Variants in GDAP1 observed in about 807,000 individuals in gnomAD.
GDAP1 encodes ganglioside-induced differentiation-associated protein 1.
Under a neutral mutation model 40.1 loss-of-function variants are expected in GDAP1, and 34 were observed. The observed-to-expected ratio is 0.85, with a 90% CI of 0.64 to 1.13. GDAP1 has a LOEUF of 1.13. Ranked by LOEUF, GDAP1 falls within the 50% of genes most tolerant of loss-of-function variation. GDAP1 has a pLI of 0.00. For missense variants in GDAP1, 374 were observed against 433.7 expected (o/e 0.86, Z 1.22); for synonymous variants, 170 against 157.4 (o/e 1.08, Z -0.60).
chr8:74,390,272 T>C (rs1417433485), intron 2 of GDAP1, among the ~76,000 whole-genome samples: 1 of 152,220 alleles, frequency 6.6e-6, no homozygotes, highest in Non-Finnish European at 1.5e-5. Flanking sequence ...TTCTGGTTTT[T>C]GGAATTTTTA....
intron 2 of GDAP1, among the ~76,000 whole-genome samples, chr8:74,394,669 T>C (rs1810166610): frequency 2.0e-5 from 3 of 152,164 alleles, no homozygotes; most frequent in African/African-American, 4.8e-5. Flanking sequence ...TATGTCAATA[T>C]TGACCAGAGG....
rs749000336 is a variant in GDAP1, at chr8:74,350,440, A to T, written c.-22A>T. The T allele has an allele frequency of 3.4e-6, 5 of 1,453,992 alleles. No homozygotes were observed. The highest frequency in any genetic ancestry group is 4.8e-6 in the Non-Finnish European group (5 of 1,036,900). The allele number at this position is 1,453,992 out of a possible 1,614,324, so 90.1% of individuals were successfully genotyped here. ...AGTCCAGGGCGGACAGGCTGGGCGC[A>T]CCCGTGCTCGCGCACCCCAAGATGG... On this transcript the variant is annotated 5_prime_UTR_variant, in exon 1 of 6. Transcript: ENST00000220822.
At chr8:74,473,418 TAC>T (rs1467951887) in intron 2 of GDAP1, among the ~76,000 whole-genome samples, 5 of 152,246 alleles carry the variant, frequency 3.3e-5, no homozygotes, top group Admixed American at 2.0e-4. Flanking sequence ...CCAGGATTTT[TAC>T]AGTTTTGGGA....
chr8:74,383,415 C>T (rs539556019), intron 2 of GDAP1, among the ~76,000 whole-genome samples: 16 of 152,300 alleles, frequency 1.1e-4, no homozygotes, highest in African/African-American at 3.8e-4. Context: ...TAGTTAAAAG[C>T]TCATCTCTAG....
chr8:74,368,074 CTT>C (rs1809690279), downstream of GDAP1, among the ~76,000 whole-genome samples: 1 of 152,182 alleles, frequency 6.6e-6, no homozygotes, highest in Admixed American at 6.5e-5. Context: ...TGTCTTCAGT[CTT>C]TTACTTTATT....
intron 2 of GDAP1, among the ~76,000 whole-genome samples, chr8:74,383,836 C>G (rs1306329980): frequency 6.6e-6 from 1 of 152,048 alleles, no homozygotes; most frequent in Non-Finnish European, 1.5e-5. Flanking sequence ...CTATGAAATG[C>G]CAGAAAGGAA....
At chr8:74,378,428 G>T (rs904855417) in intron 2 of GDAP1, among the ~76,000 whole-genome samples, 2 of 152,194 alleles carry the variant, frequency 1.3e-5, no homozygotes, top group African/African-American at 4.8e-5. Context: ...GAGGTGGATT[G>T]AGAAAATATT....
chr8:74,397,519 G>T (rs1020298897), intron 2 of GDAP1, among the ~76,000 whole-genome samples: 4 of 152,100 alleles, frequency 2.6e-5, no homozygotes, highest in African/African-American at 9.7e-5. Context: ...AATCCATCTT[G>T]AATTAATTTT....
chr8:74,447,189 A>T (rs981087449), intron 2 of GDAP1, among the ~76,000 whole-genome samples: 1 of 152,128 alleles, frequency 6.6e-6, no homozygotes, highest in African/African-American at 2.4e-5. Flanking sequence ...AATGAAACAC[A>T]CCAAAATTCT....
intron 2 of GDAP1, among the ~76,000 whole-genome samples, chr8:74,416,438 A>T (rs571669868): frequency 4.7e-4 from 70 of 150,174 alleles, no homozygotes; most frequent in Admixed American, 5.2e-4. Flanking sequence ...CAGGAAAGAG[A>T]AAACTTTCGC....
chr8:74,444,886 A>G (rs1806208849), intron 2 of GDAP1, among the ~76,000 whole-genome samples: 1 of 152,206 alleles, frequency 6.6e-6, no homozygotes, highest in African/African-American at 2.4e-5. Context: ...TTAAAACAGC[A>G]TCTATTATGC....
chr8:74,366,487 A>G lies in GDAP1; in HGVS notation c.*2120A>G, dbSNP rs1239831836. ...TTGAAAGGGATTACAGTATCACACA[A>G]TGTCAAGCTAGAGTTAAACACAGTA... On this transcript the variant is annotated 3_prime_UTR_variant, in exon 6 of 6. Transcript: ENST00000220822. 2.2e-6 allele frequency: 1 copy of G among 454,490 alleles called. No homozygotes were observed. The highest frequency in any genetic ancestry group is 4.4e-6 in the Non-Finnish European group (1 of 226,740). 28.2% of individuals were successfully genotyped at this position (454,490 alleles called of 1,614,324 possible).
chr8:74,451,751 AT>A lies in GDAP1; in HGVS notation c.166-36916del, dbSNP rs1424783134. ...TTCTTTCAGTAATGGAAAAAGATAG[AT>A]TTTTTTTTTTCTTCTGGCCTCCATT... On this transcript the variant is annotated intron_variant, in intron 2 of 2. Transcript: ENST00000523640. 2.4e-3 allele frequency among the ~76,000 whole-genome samples: 179 copies of A among 75,234 alleles called. 57 individuals carry two copies. The highest frequency in any genetic ancestry group is 9.1e-3 in the Middle Eastern group (1 of 110). 49.4% of individuals were successfully genotyped at this position (75,234 alleles called of 152,430 possible). A position where few individuals can be genotyped will look rare whatever the true frequency, so the allele number is the denominator to read the frequency against.
chr8:74,405,912 C>T (rs962358891), intron 2 of GDAP1, among the ~76,000 whole-genome samples: 1 of 149,658 alleles, frequency 6.7e-6, no homozygotes, highest in South Asian at 2.1e-4. Flanking sequence ...TGTTGGGGTA[C>T]GGAATGGTGT....
chr8:74,443,664 T>C (rs564679938), intron 2 of GDAP1, among the ~76,000 whole-genome samples: 22 of 152,206 alleles, frequency 1.4e-4, no homozygotes, highest in African/African-American at 4.6e-4. Flanking sequence ...ACTTCTAAGA[T>C]TGATGGTCAT....
intron 2 of GDAP1, among the ~76,000 whole-genome samples, chr8:74,415,943 G>T (rs1271198410): frequency 6.7e-6 from 1 of 149,778 alleles, no homozygotes; most frequent in East Asian, 1.9e-4. Flanking sequence ...ATCCCCCTTT[G>T]CCAGAACCAA....
intron 2 of GDAP1, among the ~76,000 whole-genome samples, chr8:74,477,980 G>A (rs1806652800): frequency 6.6e-6 from 1 of 152,182 alleles, no homozygotes; most frequent in Admixed American, 6.5e-5. Flanking sequence ...ACTAGTGGGA[G>A]CAGGACAGTG....
chr8:74,388,289 C>A lies in GDAP1; in HGVS notation c.165+36968C>A, dbSNP rs143561837. Among the ~76,000 whole-genome samples, 743 of 152,220 alleles carry A rather than the reference C, an allele frequency of 4.9e-3. 6 individuals are homozygous for A. Among genetic ancestry groups the A allele is most frequent in the Admixed American group, 9.4e-3 (144 of 15,280 alleles). On this transcript the variant is annotated intron_variant, in intron 2 of 2. Coordinates refer to the GDAP1 transcript ENST00000523640. Reference sequence around the variant, plus strand: ...TGATGTTAGGATGTTGATTTTAGATCTTTCCCACTATCTAATGTGGGCGTT... The same window carrying A: ...TGATGTTAGGATGTTGATTTTAGATATTTCCCACTATCTAATGTGGGCGTT...
rs1452898365 is a variant in GDAP1, at chr8:74,400,691, C to T, written c.165+49370C>T. Among the ~76,000 whole-genome samples, 2 of 149,500 alleles carry T rather than the reference C, an allele frequency of 1.3e-5. 1 individual carries two copies. Among genetic ancestry groups the T allele is most frequent in the African/African-American group, 5.1e-5 (2 of 39,016 alleles). ...GGCATGATTTTGCAGTGGCTGGTAC[C>T]AGTTGTTCCTTTCCATGTTTAGTGC... On this transcript the variant is annotated intron_variant, in intron 2 of 2. Transcript: ENST00000523640.
Sources: allele counts gnomAD v4.1 joint callset (sites outside exome capture counted in the v4.1 genomes callset), GRCh38; gene constraint gnomAD v4.1.1; transcripts MANE v1.5; gene names NCBI Gene and HGNC (gene_info 2026-07-23, HGNC 2026-07-21).